The following IFIH1 variants were observed in gnomAD, a reference collection of about 807,000 sequenced individuals.
IFIH1 encodes interferon-induced helicase C domain-containing protein 1.
Under a neutral mutation model 107.4 loss-of-function variants are expected in IFIH1, and 125 were observed. That is an observed-to-expected ratio of 1.16 (90% CI 1.01 to 1.35). IFIH1 has a LOEUF of 1.35. Among genes scored for constraint, IFIH1 ranks in the 40% most tolerant of loss-of-function variants. The pLI, the probability that IFIH1 is intolerant of heterozygous loss-of-function variation, is 0.00. For synonymous variants in IFIH1, 458 were observed against 413.2 expected, an observed-to-expected ratio of 1.11 and a Z score of -1.31; for missense variants, 1,333 against 1,213.7, an observed-to-expected ratio of 1.10 and a Z score of -1.46.
chr2:162,279,167 G>C (rs564710222), intron 8 of IFIH1, among the ~76,000 whole-genome samples: 14 of 152,100 alleles, frequency 9.2e-5, no homozygotes, highest in Non-Finnish European at 1.6e-4. Flanking sequence ...AACAAAAAAA[G>C]GAAAGTGAAT....
At chr2:162,314,298 A>G (rs1021216925) in intron 1 of IFIH1, among the ~76,000 whole-genome samples, 3 of 148,602 alleles carry the variant, frequency 2.0e-5, no homozygotes, top group Non-Finnish European at 1.5e-5. Context: ...TATTGCTGAA[A>G]CTCTAGTATT....
At position 162,278,294 on chromosome 2, in the gene IFIH1, G is replaced by A. The variant is rs1443193289; in HGVS notation, c.1676C>T (p.Thr559Ile). The change falls in exon 9 of 16, where the codon ACA becomes ATA. Residue 559 changes from threonine to isoleucine, a missense_variant. Coordinates refer to ENST00000649979, the MANE Select transcript of IFIH1 (RefSeq NM_022168.4). ...CATTTGACAATAAGTTTGAATCCTT[G>A]TCATTATTTCTAGAAGTTTCTCTTT... ...PFKEKLLEIMTRIQTYCQMSP... is the reference protein window; with the variant it reads ...PFKEKLLEIMIRIQTYCQMSP... 4.0e-6 allele frequency: 6 copies of A among 1,489,508 alleles called. No homozygotes were observed. The highest frequency in any genetic ancestry group is 1.9e-6 in the Non-Finnish European group (2 of 1,075,970). The allele number at this position is 1,489,508 out of a possible 1,614,324, so 92.3% of individuals were successfully genotyped here. A position where few individuals can be genotyped will look rare whatever the true frequency, so the allele number is the denominator to read the frequency against.
chr2:162,306,671 G>A (rs1683284211), intron 3 of IFIH1, 38 bp downstream of exon 3: 1 of 1,582,818 alleles, frequency 6.3e-7, no homozygotes, highest in African/African-American at 1.3e-5. Context: ...TCTGGAAGTA[G>A]TAATTACTGT....
In IFIH1 at chr2:162,303,908, T is replaced by C. The variant is rs1397668159; in HGVS notation, c.769+2801A>G. Among the ~76,000 whole-genome samples, 6 of 152,154 alleles carry C rather than the reference T, an allele frequency of 3.9e-5. No homozygotes were observed. In the East Asian group the frequency reaches 9.7e-4, roughly 24 times the overall value. Reference sequence around the variant, plus strand: ...TCATCTCTCAGCAGTAGCTCCATCTTCCCTTCTTTCTAGTGTGGATTTACA... The same window carrying C: ...TCATCTCTCAGCAGTAGCTCCATCTCCCCTTCTTTCTAGTGTGGATTTACA... On this transcript the variant is annotated intron_variant, in intron 3 of 15. Coordinates refer to ENST00000649979, the MANE Select transcript of IFIH1 (RefSeq NM_022168.4).
chr2:162,287,758 TG>T (rs1230459602), intron 5 of IFIH1, among the ~76,000 whole-genome samples: 1 of 151,952 alleles, frequency 6.6e-6, no homozygotes, highest in Non-Finnish European at 1.5e-5. Flanking sequence ...AGTGATATTT[TG>T]GGGTCATTCA....
At chr2:162,313,363 C>T (rs1237786436) in intron 1 of IFIH1, among the ~76,000 whole-genome samples, 2 of 152,200 alleles carry the variant, frequency 1.3e-5, no homozygotes, top group African/African-American at 4.8e-5. Context: ...GCCCCTCCCC[C>T]ACTCGAAGTT....
intron 2 of IFIH1, among the ~76,000 whole-genome samples, chr2:162,309,542 C>G (rs1488068390): frequency 6.6e-6 from 1 of 152,126 alleles, no homozygotes; most frequent in Non-Finnish European, 1.5e-5. Context: ...TCATTCTGTC[C>G]TGCTTTCTCT....
In IFIH1 at chr2:162,281,470, T is replaced by C. The variant is rs746897113; in HGVS notation, c.1382A>G (p.Tyr461Cys). 7.4e-6 allele frequency: 12 copies of C among 1,612,148 alleles called. No homozygotes were observed. In the South Asian group the frequency reaches 1.3e-4, roughly 18 times the overall value. ...EAVYNNIMRH[Y>C]LMQKLKNNRL... ...ATTGTTTTTCAACTTCTGCATCAAA[T>C]AATGCCTCATGATGTTATTATACAC... The change falls in exon 7 of 16, where the codon TAT becomes TGT. Residue 461 changes from tyrosine (Y) to cysteine (C), a missense_variant. Coordinates refer to ENST00000649979, the MANE Select transcript of IFIH1 (RefSeq NM_022168.4).
At chr2:162,301,189 T>C (rs1431747188) in intron 3 of IFIH1, among the ~76,000 whole-genome samples, 1 of 152,008 alleles carries the variant, frequency 6.6e-6, no homozygotes, top group African/African-American at 2.4e-5. Flanking sequence ...AACAAGCAGG[T>C]TGGTAAGCTC....
At position 162,267,107 on chromosome 2, in the gene IFIH1, T is replaced by C; in HGVS notation, c.*93A>G. ...AGAGTAAAACAATCATTTTATTGAT[T>C]CTTATGTCAGTTCTGTAGCATAATG... On this transcript the variant is annotated 3_prime_UTR_variant, in exon 16 of 16. Transcript: ENST00000649979. 1.1e-6 allele frequency: 1 copy of C among 939,602 alleles called. No individual in the cohort carries two copies. The highest frequency in any genetic ancestry group is 1.6e-6 in the Non-Finnish European group (1 of 625,304). 58.2% of individuals were successfully genotyped at this position (939,602 alleles called of 1,614,324 possible).
Position 162,306,706 on chromosome 2 carries a change from T to C in IFIH1, c.769+3A>G, listed in dbSNP as rs769979161. The C allele has an allele frequency of 6.2e-6, 10 of 1,613,264 alleles. No homozygotes were observed. The highest frequency in any genetic ancestry group is 1.6e-4 in the Middle Eastern group (1 of 6,080). On this transcript the variant is annotated splice_donor_region_variant and intron_variant, in intron 3 of 15. Coordinates refer to ENST00000649979, the MANE Select transcript of IFIH1 (RefSeq NM_022168.4). ...TATTAAAGTACGTATGTGTTTCAAG[T>C]ACCTGAAACTACAGAAGAATCTGCA...
intron 2 of IFIH1, chr2:162,310,535 TAGAA>T (rs1185695780): frequency 1.7e-5 from 9 of 539,616 alleles, no homozygotes; most frequent in Non-Finnish European, 2.9e-5. Flanking sequence ...AATAAGGTAG[TAGAA>T]AGAGTGTTGG....
In IFIH1 at chr2:162,317,032, TG is replaced by T. The variant is rs1443252754; in HGVS notation, c.453+822del. Reference sequence around the variant, plus strand: ...AAGAAAAAGGGTGTGTGTGTGTGTGTGTGTGTGTGTGTGTGTGTGATTGCAA... The same window carrying T: ...AAGAAAAAGGGTGTGTGTGTGTGTGTTGTGTGTGTGTGTGTGTGATTGCAA... On this transcript the variant is annotated intron_variant, in intron 1 of 15. Coordinates refer to ENST00000649979, the MANE Select transcript of IFIH1 (RefSeq NM_022168.4). Among the ~76,000 whole-genome samples the T allele has an allele frequency of 4.5e-3, 680 of 152,058 alleles. 7 individuals are homozygous for T. The highest frequency in any genetic ancestry group is 0.016 in the African/African-American group (644 of 41,476).
At position 162,310,774 on chromosome 2, in the gene IFIH1, T is replaced by C. The variant is rs1029888708; in HGVS notation, c.613A>G (p.Ser205Gly). The C allele has an allele frequency of 1.7e-5, 27 of 1,613,462 alleles. No homozygotes were observed. The highest frequency in any genetic ancestry group is 3.3e-5 in the Admixed American group (2 of 59,982). ...QELTGSDCSE[S>G]NAEIENLSQV... is the part of the protein sequence containing the mutation. ...GTAAAATTACAAATACCTGCATTGC[T>C]TTCTGAGCAATCAGAGCCTGTTAAC... The change falls in exon 2 of 16, where the codon AGC becomes GGC. Residue 205 changes from serine to glycine, a missense_variant. Transcript: ENST00000649979.
Position 162,277,513 on chromosome 2 carries a change from C to T in IFIH1, c.1946G>A (p.Gly649Asp). The T allele has an allele frequency of 6.3e-7, 1 of 1,581,756 alleles. No homozygotes were observed. The highest frequency in any genetic ancestry group is 8.7e-7 in the Non-Finnish European group (1 of 1,151,034). ...ATCACCATCACAATACTCATCATCACCACCCTCATCACTATCATCTTCTAT... is the reference window on the plus strand; with the variant it reads ...ATCACCATCACAATACTCATCATCATCACCCTCATCACTATCATCTTCTAT... Reference protein sequence around the residue: ...AVIEDDSDEGGDDEYCDGDED... With the variant: ...AVIEDDSDEGDDDEYCDGDED... The change falls in exon 10 of 16, where the codon GGT becomes GAT. Residue 649 changes from glycine (G) to aspartate (D), a missense_variant. Physicochemically the swap from Gly to Asp is moderately conservative, Grantham distance 94. Transcript: ENST00000649979.
At position 162,268,391 on chromosome 2, in the gene IFIH1, T is replaced by C. The variant is rs12474565; in HGVS notation, c.2617-114A>G. ...TAGTTGTGAAAATATACCCTTAGCTTATGGTCTAGGAAATAAAAATAATGA... is the reference window on the plus strand; with the variant it reads ...TAGTTGTGAAAATATACCCTTAGCTCATGGTCTAGGAAATAAAAATAATGA... On this transcript the variant is annotated intron_variant, in intron 13 of 15. Transcript: ENST00000649979. 0.071 allele frequency: 44,934 copies of C among 635,222 alleles called. 6,676 individuals carry two copies. Among genetic ancestry groups the C allele is most frequent in the African/African-American group, 0.42 (22,494 of 54,012 alleles). 39.3% of individuals were successfully genotyped at this position (635,222 alleles called of 1,614,324 possible).
In IFIH1 at chr2:162,277,411, T is replaced by A; in HGVS notation, c.2044+4A>T. 6.2e-7 allele frequency: 1 copy of A among 1,601,448 alleles called. No homozygotes were observed. Among genetic ancestry groups the A allele is most frequent in the Non-Finnish European group, 8.5e-7 (1 of 1,170,428 alleles). On this transcript the variant is annotated splice_donor_region_variant and intron_variant, in intron 10 of 15. Coordinates refer to ENST00000649979, the MANE Select transcript of IFIH1 (RefSeq NM_022168.4). ...ACACCAGTATATGTTACTTTGAATC[T>A]TACCAAAAAATAAAGTCATGAGAAA...
intron 4 of IFIH1, among the ~76,000 whole-genome samples, chr2:162,288,913 A>G (rs1682944561): frequency 7.1e-6 from 1 of 141,520 alleles, no homozygotes; most frequent in South Asian, 2.1e-4. Context: ...CCAAATACCA[A>G]AAAGCACACA....
intron 3 of IFIH1, among the ~76,000 whole-genome samples, chr2:162,302,505 A>T (rs1260889618): frequency 1.3e-5 from 2 of 152,208 alleles, no homozygotes; most frequent in African/African-American, 2.4e-5. Context: ...TATCAATATC[A>T]AGAAGATACA....
Sources: allele counts gnomAD v4.1 joint callset (sites outside exome capture counted in the v4.1 genomes callset), GRCh38; gene constraint gnomAD v4.1.1; transcripts MANE v1.5; gene names NCBI Gene and HGNC (gene_info 2026-07-23, HGNC 2026-07-21).